The following POF1B variants were observed in gnomAD, a reference collection of about 807,000 sequenced individuals.
The protein encoded by POF1B is POF1B actin binding protein.
In POF1B, 53 loss-of-function variants were observed where a neutral mutation model predicts 55.3. The ratio of observed to expected loss-of-function variants is 0.96; its 90% CI spans 0.77 to 1.20. POF1B has a LOEUF of 1.20. Ranked by LOEUF, POF1B falls within the 50% of genes most tolerant of loss-of-function variation. The pLI is 0.00. For synonymous variants in POF1B, 188 were observed against 148.3 expected, an observed-to-expected ratio of 1.27 and a Z score of -1.95; for missense variants, 478 against 420.5, an observed-to-expected ratio of 1.14 and a Z score of -1.20.
At position 85,298,411 on chromosome X, in the gene POF1B, C is replaced by T. The variant is rs532914803; in HGVS notation, c.1649+4995G>A. 1.2e-4 allele frequency among the ~76,000 whole-genome samples: 13 copies of T among 111,427 alleles called. No individual in the cohort carries two copies. In the South Asian group the frequency reaches 5.0e-3, roughly 43 times the overall value. On this transcript the variant is annotated intron_variant, in intron 15 of 16. Coordinates refer to ENST00000262753, the MANE Select transcript of POF1B (RefSeq NM_024921.4). ...TCTTGTAGCTAGGATGCCAGAGGTA[C>T]ATGGTGAAAGTGGGTTGCCCTGCTG...
intron 6 of POF1B, among the ~76,000 whole-genome samples, chrX:85,338,526 C>T (rs372686202): frequency 1.2e-4 from 13 of 111,580 alleles, no homozygotes; most frequent in East Asian, 8.5e-4. Flanking sequence ...TTTGTAACAG[C>T]GTAAATTATT....
chrX:85,307,326 G>T, intron 10 of POF1B, 50 bp from the exon 11 acceptor site: 1 of 809,151 alleles, frequency 1.2e-6, no homozygotes, highest in African/African-American at 2.0e-5. Context: ...AAACTTAACA[G>T]TCACATAATA....
At chrX:85,340,564 G>A (rs1412254178) in intron 6 of POF1B, among the ~76,000 whole-genome samples, 1 of 111,608 alleles carries the variant, frequency 9.0e-6, no homozygotes, top group African/African-American at 3.2e-5. Flanking sequence ...AACTGAAGAT[G>A]TAGAAATGAA....
At chrX:85,368,041 C>G (rs955994771) in intron 2 of POF1B, among the ~76,000 whole-genome samples, 1 of 111,889 alleles carries the variant, frequency 8.9e-6, no homozygotes, top group African/African-American at 3.2e-5. Flanking sequence ...AAGAACTCTG[C>G]ATTCATATAC....
chrX:85,307,511 AC>A (rs1452444308), intron 10 of POF1B, among the ~76,000 whole-genome samples: 3 of 111,510 alleles, frequency 2.7e-5, no homozygotes, highest in African/African-American at 9.8e-5. Context: ...ATGAAGCACA[AC>A]CCTCTGAAAT....
chrX:85,306,067 A>G, intron 12 of POF1B, 114 bp downstream of exon 12: 4 of 941,139 alleles, frequency 4.3e-6, no homozygotes, highest in Non-Finnish European at 5.9e-6. Flanking sequence ...CTCAAATGTC[A>G]GTGATTAAGA....
chrX:85,340,350 G>C (rs961514856), intron 6 of POF1B, among the ~76,000 whole-genome samples: 1 of 111,003 alleles, frequency 9.0e-6, no homozygotes, highest in African/African-American at 3.3e-5. Flanking sequence ...CTTCTAGCAA[G>C]ATCATTGCTG....
intron 7 of POF1B, among the ~76,000 whole-genome samples, chrX:85,321,124 G>A (rs1003608186): frequency 3.6e-5 from 4 of 111,481 alleles, no homozygotes; most frequent in African/African-American, 1.3e-4. Flanking sequence ...CCAAAGCCGG[G>A]AAGAGACACA....
intron 7 of POF1B, among the ~76,000 whole-genome samples, chrX:85,316,981 C>A (rs1240267611): frequency 1.8e-5 from 2 of 110,444 alleles, no homozygotes; most frequent in African/African-American, 6.6e-5. Context: ...CAGTATTTGG[C>A]TTTCTGTTCC....
At chrX:85,317,422 A>G (rs1328178156) in intron 7 of POF1B, among the ~76,000 whole-genome samples, 3 of 109,621 alleles carry the variant, frequency 2.7e-5, no homozygotes, top group East Asian at 3.0e-4. Context: ...TTTCTCCACA[A>G]CCATACCAGA....
chrX:85,291,448 A>G (rs764556035), intron 15 of POF1B, among the ~76,000 whole-genome samples: 5 of 111,820 alleles, frequency 4.5e-5, no homozygotes, highest in Non-Finnish European at 9.4e-5. Context: ...GATTTTGAAA[A>G]GTTTTTCTGT....
intron 5 of POF1B, among the ~76,000 whole-genome samples, chrX:85,347,563 A>T (rs1353364313): frequency 9.0e-6 from 1 of 111,251 alleles, no homozygotes; most frequent in Non-Finnish European, 1.9e-5. Context: ...TTGTCACTGT[A>T]TACCTTTTAA....
intron 9 of POF1B, among the ~76,000 whole-genome samples, 184 bp from the exon 10 acceptor site, chrX:85,308,400 A>C (rs1932624731): frequency 8.9e-6 from 1 of 111,804 alleles, no homozygotes; most frequent in Non-Finnish European, 1.9e-5. Context: ...ATATTCCTGA[A>C]GATAGCATAG....
chrX:85,340,031 A>G (rs928867065), intron 6 of POF1B, among the ~76,000 whole-genome samples: 2 of 111,011 alleles, frequency 1.8e-5, no homozygotes, highest in African/African-American at 6.5e-5. Flanking sequence ...TCCACCATCC[A>G]TTGTTAGTAG....
chrX:85,307,768 T>G (rs1195814064), intron 10 of POF1B, among the ~76,000 whole-genome samples: 2 of 111,744 alleles, frequency 1.8e-5, no homozygotes, highest in Admixed American at 1.9e-4. Flanking sequence ...TTCAAGTTAT[T>G]ATATTTGAAT....
intron 2 of POF1B, 114 bp downstream of exon 2, chrX:85,379,059 C>A: frequency 1.1e-6 from 1 of 886,907 alleles, no homozygotes; most frequent in South Asian, 2.5e-5. Context: ...GCATATATAA[C>A]TGCAATCCAC....
intron 7 of POF1B, among the ~76,000 whole-genome samples, chrX:85,317,373 C>A (rs1182520983): frequency 9.1e-6 from 1 of 109,509 alleles, no homozygotes; most frequent in African/African-American, 3.3e-5. Flanking sequence ...AATGGCTGAA[C>A]TAGTTTAGAT....
intron 4 of POF1B, among the ~76,000 whole-genome samples, chrX:85,354,646 A>G (rs929486112): frequency 4.5e-5 from 5 of 111,029 alleles, no homozygotes; most frequent in African/African-American, 1.3e-4. Context: ...AATCACAAGC[A>G]TTCTTATACA....
At chrX:85,335,780 A>G (rs946229292) in intron 6 of POF1B, among the ~76,000 whole-genome samples, 10 of 110,515 alleles carry the variant, frequency 9.0e-5, no homozygotes, top group African/African-American at 3.0e-4. Context: ...ACAGGCATGC[A>G]ATATGTAATA....
Sources: gnomAD v4.1 joint callset for allele counts (sites outside exome capture counted in the v4.1 genomes callset) on GRCh38, gnomAD v4.1.1 for gene constraint, MANE v1.5 for transcripts, NCBI Gene and HGNC (gene_info 2026-07-23, HGNC 2026-07-21) for gene names.